MED13L: variants seen among roughly 807,000 people sequenced by gnomAD.
The protein encoded by MED13L is mediator of RNA polymerase II transcription subunit 13-like.
A neutral mutation model predicts 220.9 loss-of-function variants in MED13L; 7 were observed. That is an observed-to-expected ratio of 0.03 (90% CI 0.02 to 0.06). MED13L has a LOEUF of 0.06. Among genes scored for constraint, MED13L ranks in the 10% least tolerant of loss-of-function variants. MED13L has a pLI of 1.00. For missense variants in MED13L, 1,965 were observed against 2,760.5 expected (o/e 0.71, Z 6.46); for synonymous variants, 1,011 against 1,015.2 (o/e 1.00, Z 0.08).
chr12:116,122,157 T>C (rs2137959940), intron 2 of MED13L, among the ~76,000 whole-genome samples: 1 of 152,258 alleles, frequency 6.6e-6, no homozygotes, highest in South Asian at 2.1e-4. Context: ...ACTAATCAGA[T>C]ATTACAACAA....
At chr12:116,213,031 G>T (rs1052051553) in intron 2 of MED13L, among the ~76,000 whole-genome samples, 2 of 152,096 alleles carry the variant, frequency 1.3e-5, no homozygotes, top group Non-Finnish European at 2.9e-5. Flanking sequence ...CTCAATACTA[G>T]CATCTAAAAA....
chr12:116,221,788 C>A (rs1410896294), intron 2 of MED13L, among the ~76,000 whole-genome samples: 1 of 152,110 alleles, frequency 6.6e-6, no homozygotes, highest in Non-Finnish European at 1.5e-5. Context: ...ACACTCTGAT[C>A]AACCGATAAT....
intron 1 of MED13L, among the ~76,000 whole-genome samples, chr12:116,261,354 G>A (rs11067960): frequency 2.3e-4 from 35 of 151,966 alleles, no homozygotes; most frequent in Admixed American, 1.7e-3. Context: ...AAAATTAGCC[G>A]GGCATGGTCA....
chr12:116,119,836 A>ATATAT (rs1373268884), intron 2 of MED13L, among the ~76,000 whole-genome samples: 28 of 72,270 alleles, frequency 3.9e-4, no homozygotes, highest in Non-Finnish European at 5.2e-4. Flanking sequence ...AAAAAAAAAA[A>ATATAT]AAATATATAT....
intron 4 of MED13L, chr12:116,082,524 T>A (rs1334190954): frequency 6.6e-6 from 1 of 152,160 alleles, no homozygotes; most frequent in Non-Finnish European, 1.5e-5. Context: ...TGCTCTCTCA[T>A]CTTACTATTA....
chr12:116,035,161 C>T (rs952846772), intron 4 of MED13L, among the ~76,000 whole-genome samples: 2 of 152,042 alleles, frequency 1.3e-5, no homozygotes, highest in African/African-American at 4.8e-5. Context: ...GTTTCCTGAG[C>T]AAACTACATA....
At chr12:116,120,491 A>T (rs1384288265) in intron 2 of MED13L, among the ~76,000 whole-genome samples, 9 of 144,952 alleles carry the variant, frequency 6.2e-5, no homozygotes, top group Non-Finnish European at 9.1e-5. Flanking sequence ...ACACACACAC[A>T]CACACACACA....
rs114535115 is a variant in MED13L at position 116,052,566 on chromosome 12, C to A, written c.480-29965G>T. ...AAAAGGGTGTTAAATCCATTGTGAT[C>A]TTTGTGGGGGAAAAGTTGGAAAGCA... On this transcript the variant is annotated intron_variant, in intron 4 of 30. Transcript: ENST00000281928. Among the ~76,000 whole-genome samples, 496 of 152,272 alleles carry A rather than the reference C, an allele frequency of 3.3e-3. 1 individual carries two copies. The highest frequency in any genetic ancestry group is 0.01 in the African/African-American group (421 of 41,548).
chr12:116,113,775 GA>G (rs1354029931), intron 2 of MED13L, among the ~76,000 whole-genome samples: 4 of 71,760 alleles, frequency 5.6e-5, no homozygotes, highest in South Asian at 9.0e-4. Flanking sequence ...GTAAGAGGGA[GA>G]GGGGAGGGAG....
chr12:116,144,965 A>T (rs1565898719), intron 2 of MED13L, among the ~76,000 whole-genome samples: 1 of 152,236 alleles, frequency 6.6e-6, no homozygotes, highest in Non-Finnish European at 1.5e-5. Context: ...ACCACTTATA[A>T]GGTAATTACG....
At chr12:116,018,499 T>C (rs528151718) in intron 7 of MED13L, among the ~76,000 whole-genome samples, 1 of 152,314 alleles carries the variant, frequency 6.6e-6, no homozygotes, top group Admixed American at 6.5e-5. Context: ...TGCTTATAAA[T>C]AAATAATCTC....
In MED13L at chr12:116,120,440, TTCTCTCTCTCTCTCTC is replaced by T. The variant is rs67306353; in HGVS notation, c.311-8944_311-8929del. ...TTTGGCTTCTTTAAATAATCTCTCT[TTCTCTCTCTCTCTCTC>T]TCTCTCTCTCTCTCTCTCTCTCACA... On this transcript the variant is annotated intron_variant, in intron 2 of 30. Transcript: ENST00000281928. Among the ~76,000 whole-genome samples the T allele has an allele frequency of 1.3e-4, 13 of 98,382 alleles. No individual in the cohort carries two copies. The East Asian group carries it at 1.4e-3, about 11-fold the overall frequency. 64.5% of individuals were successfully genotyped at this position (98,382 alleles called of 152,430 possible). A position where few individuals can be genotyped will look rare whatever the true frequency, so the allele number is the denominator to read the frequency against.
chr12:116,010,823 GACC>G (rs1267834090), intron 9 of MED13L, among the ~76,000 whole-genome samples: 4 of 152,006 alleles, frequency 2.6e-5, no homozygotes. Context: ...TGATAAAAAT[GACC>G]ACAATAGGGT....
At chr12:116,009,949 T>A (rs369990832) in intron 9 of MED13L, among the ~76,000 whole-genome samples, 2 of 152,076 alleles carry the variant, frequency 1.3e-5, no homozygotes, top group African/African-American at 4.8e-5. Flanking sequence ...AATATATAAA[T>A]CATTCCCGGG....
chr12:116,252,357 A>T (rs1335078521), intron 1 of MED13L, among the ~76,000 whole-genome samples: 1 of 152,040 alleles, frequency 6.6e-6, no homozygotes, highest in Non-Finnish European at 1.5e-5. Context: ...CATGGGCAAC[A>T]TGACAAAACT....
chr12:116,114,541 A>C (rs1322454412), intron 2 of MED13L, among the ~76,000 whole-genome samples: 7 of 152,204 alleles, frequency 4.6e-5, no homozygotes, highest in African/African-American at 1.7e-4. Context: ...ACCAAAACCT[A>C]CAATTAACAT....
chr12:116,263,222 A>T (rs1484079453), intron 1 of MED13L, among the ~76,000 whole-genome samples: 5 of 152,150 alleles, frequency 3.3e-5, no homozygotes, highest in Non-Finnish European at 5.9e-5. Context: ...CTCTAGGATT[A>T]CATCACAACG....
At chr12:116,077,559 T>C (rs2137717178) in intron 4 of MED13L, among the ~76,000 whole-genome samples, 1 of 152,352 alleles carries the variant, frequency 6.6e-6, no homozygotes, top group East Asian at 1.9e-4. Flanking sequence ...CAGAGTTATG[T>C]ATACCACTGG....
In MED13L at chr12:116,171,850, A is replaced by G. The variant is rs1879704060; in HGVS notation, c.311-60338T>C. On this transcript the variant is annotated intron_variant, in intron 2 of 30. Coordinates refer to ENST00000281928, the MANE Select transcript of MED13L (RefSeq NM_015335.5). ...CCAATTTTTTTAAAAACCTCAATGC[A>G]GGACTTCACATGTATTCGTATTAAA... Among the ~76,000 whole-genome samples the G allele has an allele frequency of 3.9e-5, 6 of 152,158 alleles. No individual in the cohort carries two copies. In the South Asian group the frequency reaches 1.2e-3, roughly 32 times the overall value.
Sources: allele counts gnomAD v4.1 joint callset (sites outside exome capture counted in the v4.1 genomes callset), GRCh38; gene constraint gnomAD v4.1.1; transcripts MANE v1.5; gene names NCBI Gene and HGNC (gene_info 2026-07-23, HGNC 2026-07-21).